Variants in PPP1R1C observed in about 807,000 individuals in gnomAD.
PPP1R1C encodes protein phosphatase 1 regulatory subunit 1C.
PPP1R1C carries 15 observed loss-of-function variants against 17.4 expected under a neutral mutation model. That is an observed-to-expected ratio of 0.86 (90% CI 0.58 to 1.33). The LOEUF is 1.33. Among genes scored for constraint, PPP1R1C ranks in the 40% most tolerant of loss-of-function variants. PPP1R1C has a pLI of 0.00. For missense variants in PPP1R1C, 143 were observed against 130.0 expected (o/e 1.10, Z -0.48); for synonymous variants, 35 against 43.1 (o/e 0.81, Z 0.73).
At chr2:182,043,017 G>A (rs1159292116) in intron 2 of PPP1R1C, among the ~76,000 whole-genome samples, 1 of 152,170 alleles carries the variant, frequency 6.6e-6, no homozygotes, top group African/African-American at 2.4e-5. Context: ...TAAAAAATAT[G>A]TAAGCAACTG....
At chr2:181,972,703 G>T (rs1216374918) in intron 1 of PPP1R1C, among the ~76,000 whole-genome samples, 1 of 152,150 alleles carries the variant, frequency 6.6e-6, no homozygotes, top group Non-Finnish European at 1.5e-5. Context: ...GAAAGAGTAA[G>T]TTCAGTGGTG....
intron 4 of PPP1R1C, among the ~76,000 whole-genome samples, chr2:182,109,109 G>C (rs1689340390): frequency 6.6e-6 from 1 of 152,130 alleles, no homozygotes; most frequent in African/African-American, 2.4e-5. Flanking sequence ...AGATGATGTT[G>C]AACATCTTTT....
chr2:182,078,471 T>C (rs902923934), intron 4 of PPP1R1C, among the ~76,000 whole-genome samples: 2 of 152,202 alleles, frequency 1.3e-5, no homozygotes, highest in African/African-American at 2.4e-5. Flanking sequence ...TTATTATTCA[T>C]AGGGGTCCTT....
rs985899195 is a variant in PPP1R1C at position 182,052,899 on chromosome 2, G to A, written c.143-8543G>A. Reference sequence around the variant, plus strand: ...TCATTAGAATAGCTCCCAAATGAGTGAGCCAAGAAAAAAAAATCGTATGTT... The same window carrying A: ...TCATTAGAATAGCTCCCAAATGAGTAAGCCAAGAAAAAAAAATCGTATGTT... On this transcript the variant is annotated intron_variant, in intron 2 of 4. Coordinates refer to ENST00000682840, the MANE Select transcript of PPP1R1C (RefSeq NM_001080545.3). Among the ~76,000 whole-genome samples the A allele has an allele frequency of 6.0e-5, 9 of 150,668 alleles. No individual in the cohort carries two copies. In the Admixed American group the frequency reaches 6.3e-4, roughly 11 times the overall value.
chr2:182,004,980 T>C (rs985311315), intron 2 of PPP1R1C, among the ~76,000 whole-genome samples: 7 of 152,176 alleles, frequency 4.6e-5, no homozygotes, highest in African/African-American at 1.2e-4. Context: ...ACTCTAGACA[T>C]GGTAGATAAA....
At chr2:181,984,494 T>G (rs1685252016), upstream of PPP1R1C, among the ~76,000 whole-genome samples, 1 of 152,230 alleles carries the variant, frequency 6.6e-6, no homozygotes, top group South Asian at 2.1e-4. Context: ...AAATGTAATT[T>G]ATAAATTTCC....
At chr2:181,969,133 G>A (rs1684958656) in intron 1 of PPP1R1C, among the ~76,000 whole-genome samples, 1 of 152,040 alleles carries the variant, frequency 6.6e-6, no homozygotes, top group Admixed American at 6.5e-5. Flanking sequence ...TATATGAGTA[G>A]TTTACACACC....
chr2:181,982,746 T>C (rs1046073643), upstream of PPP1R1C, among the ~76,000 whole-genome samples: 1 of 152,086 alleles, frequency 6.6e-6, no homozygotes, highest in East Asian at 1.9e-4. Context: ...CGGCAGCCTG[T>C]AGGAGGGTCT....
intron 2 of PPP1R1C, among the ~76,000 whole-genome samples, chr2:182,004,457 A>G (rs1314991475): frequency 2.6e-5 from 4 of 152,226 alleles, no homozygotes; most frequent in African/African-American, 7.2e-5. Context: ...TAGCCCAGTC[A>G]ATGATAGGGA....
intron 2 of PPP1R1C, among the ~76,000 whole-genome samples, chr2:182,014,551 C>T (rs1051979257): frequency 2.6e-5 from 4 of 152,058 alleles, no homozygotes; most frequent in African/African-American, 9.7e-5. Context: ...CTGGCTACTG[C>T]CAATTGTCAC....
chr2:181,997,228 CAAAA>C (rs61015359), intron 2 of PPP1R1C, among the ~76,000 whole-genome samples: 4 of 102,850 alleles, frequency 3.9e-5, no homozygotes, highest in Admixed American at 9.8e-5. Context: ...GACTCCGTCT[CAAAA>C]AAAAAAAAAA....
intron 2 of PPP1R1C, among the ~76,000 whole-genome samples, chr2:181,998,560 A>G (rs1423558944): frequency 6.6e-6 from 1 of 152,214 alleles, no homozygotes; most frequent in Admixed American, 6.5e-5. Context: ...TGACAACTGC[A>G]CTAAAGCTGA....
intron 2 of PPP1R1C, among the ~76,000 whole-genome samples, chr2:181,999,342 T>G (rs573184558): frequency 6.6e-6 from 1 of 152,298 alleles, no homozygotes; most frequent in South Asian, 2.1e-4. Flanking sequence ...CTATAATACA[T>G]GTCCTTACAA....
downstream of PPP1R1C, among the ~76,000 whole-genome samples, chr2:182,122,070 G>A (rs1200263860): frequency 6.6e-6 from 1 of 152,192 alleles, no homozygotes; most frequent in Non-Finnish European, 1.5e-5. Flanking sequence ...AGGTGAATAA[G>A]TTAGGGGTTA....
chr2:182,075,650 A>T (rs1559082574), intron 4 of PPP1R1C, among the ~76,000 whole-genome samples: 1 of 152,194 alleles, frequency 6.6e-6, no homozygotes, highest in Admixed American at 6.5e-5. Context: ...AAATAATTAC[A>T]CTATTTCTAT....
chr2:181,958,563 G>A (rs1684707709), intron 1 of PPP1R1C, among the ~76,000 whole-genome samples: 1 of 152,208 alleles, frequency 6.6e-6, no homozygotes, highest in African/African-American at 2.4e-5. Context: ...GCAGCCATGA[G>A]TTGGGCAGTG....
intron 5 of PPP1R1C, among the ~76,000 whole-genome samples, chr2:182,123,967 T>C (rs1433239159): frequency 2.6e-5 from 4 of 152,232 alleles, no homozygotes; most frequent in East Asian, 3.8e-4. Flanking sequence ...GGTTTTCTTA[T>C]AGGGTTTTTA....
chr2:182,119,530 A>G (rs1574466882), downstream of PPP1R1C, among the ~76,000 whole-genome samples: 4 of 152,172 alleles, frequency 2.6e-5, no homozygotes, highest in South Asian at 8.3e-4. Context: ...CAACAGTGTA[A>G]AAGTGTTCCT....
downstream of PPP1R1C, among the ~76,000 whole-genome samples, chr2:182,122,303 A>G (rs2125240909): frequency 6.6e-6 from 1 of 152,328 alleles, no homozygotes; most frequent in African/African-American, 2.4e-5. Context: ...ATTATGGAGA[A>G]CAACATAATT....
Sources: gnomAD v4.1 joint callset for allele counts (sites outside exome capture counted in the v4.1 genomes callset) on GRCh38, gnomAD v4.1.1 for gene constraint, MANE v1.5 for transcripts, NCBI Gene and HGNC (gene_info 2026-07-23, HGNC 2026-07-21) for gene names.